ARSB: variants seen among roughly 807,000 people sequenced by gnomAD.
The protein encoded by ARSB is arylsulfatase B.
Under a neutral mutation model 50.9 loss-of-function variants are expected in ARSB, and 41 were observed. That is an observed-to-expected ratio of 0.81 (90% CI 0.63 to 1.04). ARSB has a LOEUF of 1.04. ARSB is among the 50% of genes least tolerant of loss of function. The probability of loss-of-function intolerance (pLI) is 0.00; values close to 1 mark genes in which losing one functional copy is unlikely to be tolerated. For synonymous variants in ARSB, 269 were observed against 284.8 expected (o/e 0.94, Z 0.56); for missense variants, 672 against 693.3 (o/e 0.97, Z 0.35).
At chr5:78,944,727 G>A (rs1000508802) in intron 4 of ARSB, among the ~76,000 whole-genome samples, 1 of 152,184 alleles carries the variant, frequency 6.6e-6, no homozygotes, top group Non-Finnish European at 1.5e-5. Context: ...CGGGGGTCAG[G>A]GACCCACTTG....
intron 1 of ARSB, among the ~76,000 whole-genome samples, chr5:78,974,541 C>G (rs574622993): frequency 6.6e-6 from 1 of 152,222 alleles, no homozygotes; most frequent in South Asian, 2.1e-4. Context: ...TAAGGAAACG[C>G]AAACAAAAGA....
In ARSB at chr5:78,958,361, T is replaced by G. The variant is rs577815373; in HGVS notation, c.691-2859A>C. Among the ~76,000 whole-genome samples the G allele has an allele frequency of 3.8e-4, 58 of 152,208 alleles. 1 individual carries two copies. Among genetic ancestry groups the G allele is most frequent in the African/African-American group, 1.3e-3 (56 of 41,538 alleles). On this transcript the variant is annotated intron_variant, in intron 3 of 7. Transcript: ENST00000264914. ...GAGAAAGGAGAAAGAGGGTAGGTGA[T>G]TCCCAGCCAGCAATTGATTACTAAA...
intron 5 of ARSB, among the ~76,000 whole-genome samples, chr5:78,843,556 G>T (rs551541796): frequency 6.6e-6 from 1 of 152,252 alleles, no homozygotes; most frequent in South Asian, 2.1e-4. Flanking sequence ...CTTTATTGAA[G>T]TATAATTTTA....
At chr5:78,942,811 C>G (rs901172782) in intron 4 of ARSB, among the ~76,000 whole-genome samples, 1 of 152,140 alleles carries the variant, frequency 6.6e-6, no homozygotes, top group African/African-American at 2.4e-5. Flanking sequence ...TGGTGCAGAG[C>G]TGAGTTCAAT....
chr5:78,976,198 C>G (rs536356597), intron 1 of ARSB, among the ~76,000 whole-genome samples: 7 of 149,862 alleles, frequency 4.7e-5, no homozygotes, highest in Non-Finnish European at 8.9e-5. Flanking sequence ...AGATCCTCAT[C>G]TACATGTTTA....
chr5:78,873,653 G>A (rs1178967902), intron 5 of ARSB, among the ~76,000 whole-genome samples: 2 of 150,218 alleles, frequency 1.3e-5, no homozygotes, highest in East Asian at 1.9e-4. Context: ...CCGCCACTAC[G>A]CCCGGCTAAT....
At chr5:78,862,941 C>G (rs1188483155) in intron 5 of ARSB, among the ~76,000 whole-genome samples, 1 of 152,070 alleles carries the variant, frequency 6.6e-6, no homozygotes, top group Non-Finnish European at 1.5e-5. Flanking sequence ...AAAAGGTGGG[C>G]AAAGGATATG....
chr5:78,946,378 A>C (rs1002512014), intron 4 of ARSB, among the ~76,000 whole-genome samples: 1 of 152,252 alleles, frequency 6.6e-6, no homozygotes, highest in South Asian at 2.1e-4. Context: ...ATTAGGACTG[A>C]TAAGCAAATT....
intron 5 of ARSB, among the ~76,000 whole-genome samples, chr5:78,854,812 T>C (rs1746056610): frequency 1.3e-5 from 2 of 152,222 alleles, no homozygotes; most frequent in Non-Finnish European, 2.9e-5. Context: ...GAGACTTTCT[T>C]TCTCTCTCAT....
At chr5:78,973,863 C>T (rs1752555752) in intron 1 of ARSB, among the ~76,000 whole-genome samples, 1 of 152,122 alleles carries the variant, frequency 6.6e-6, no homozygotes, top group Non-Finnish European at 1.5e-5. Flanking sequence ...GCAAAATGAA[C>T]TCATATCCTC....
intron 4 of ARSB, among the ~76,000 whole-genome samples, chr5:78,893,641 A>G (rs1748434833): frequency 6.6e-6 from 1 of 152,252 alleles, no homozygotes; most frequent in Non-Finnish European, 1.5e-5. Context: ...TTGGCAAGCA[A>G]CAACTTAACT....
intron 5 of ARSB, among the ~76,000 whole-genome samples, chr5:78,842,951 G>GT (rs1371924128): frequency 1.3e-5 from 2 of 151,968 alleles, no homozygotes; most frequent in Non-Finnish European, 2.9e-5. Flanking sequence ...TTGCCATTAG[G>GT]TATCTTGTTT....
chr5:78,840,296 A>G (rs1024393585), intron 5 of ARSB, among the ~76,000 whole-genome samples: 5 of 152,206 alleles, frequency 3.3e-5, no homozygotes, highest in African/African-American at 1.2e-4. Context: ...AAGGTTGCAA[A>G]GTACTGTTAA....
intron 4 of ARSB, among the ~76,000 whole-genome samples, chr5:78,930,044 T>C (rs756759268): frequency 6.6e-6 from 1 of 152,252 alleles, no homozygotes; most frequent in Middle Eastern, 3.4e-3. Flanking sequence ...AGATGTGATC[T>C]GAATGCACTG....
intron 3 of ARSB, among the ~76,000 whole-genome samples, chr5:78,956,169 T>C (rs550730232): frequency 6.6e-6 from 1 of 152,302 alleles, no homozygotes; most frequent in South Asian, 2.1e-4. Context: ...TGGTATATTT[T>C]CAGCAACATA....
intron 5 of ARSB, among the ~76,000 whole-genome samples, chr5:78,851,181 T>C (rs1236613205): frequency 6.6e-6 from 1 of 152,220 alleles, no homozygotes; most frequent in African/African-American, 2.4e-5. Context: ...TTTCCTGCTT[T>C]CTCTTGTGGG....
intron 3 of ARSB, among the ~76,000 whole-genome samples, 193 bp from the exon 4 acceptor site, chr5:78,955,695 A>G (rs1561525158): frequency 6.6e-6 from 1 of 152,254 alleles, no homozygotes; most frequent in Non-Finnish European, 1.5e-5. Context: ...TTACAACTCA[A>G]TGATAACTCA....
At chr5:78,901,912 T>C (rs1580026526) in intron 4 of ARSB, among the ~76,000 whole-genome samples, 1 of 152,352 alleles carries the variant, frequency 6.6e-6, no homozygotes, top group South Asian at 2.1e-4. Context: ...ACTGGAACAC[T>C]CATAAATTGC....
intron 5 of ARSB, among the ~76,000 whole-genome samples, chr5:78,857,423 T>A (rs3098680): frequency 0.65 from 98,166 of 152,088 alleles, 31,977 homozygotes; most frequent in Middle Eastern, 0.7. Context: ...CTGCATGAGC[T>A]ATACTGTCTT....
Sources: allele counts gnomAD v4.1 joint callset (sites outside exome capture counted in the v4.1 genomes callset), GRCh38; gene constraint gnomAD v4.1.1; transcripts MANE v1.5; gene names NCBI Gene and HGNC (gene_info 2026-07-23, HGNC 2026-07-21).